Variants in UPF2 observed in about 807,000 individuals in gnomAD.
The protein encoded by UPF2 is UPF2 regulator of nonsense mediated mRNA decay.
In UPF2, 17 loss-of-function variants were observed where a neutral mutation model predicts 141.4. The observed-to-expected ratio is 0.12, with a 90% confidence interval of 0.08 to 0.18. UPF2 has a LOEUF of 0.18. UPF2 is among the 10% of genes least tolerant of loss of function. The probability of loss-of-function intolerance (pLI) is 1.00; values close to 1 mark genes in which losing one functional copy is unlikely to be tolerated. For synonymous variants in UPF2, 540 were observed against 498.0 expected (o/e 1.08, Z -1.12); for missense variants, 1,152 against 1,515.9 (o/e 0.76, Z 3.99).
At chr10:11,969,141 C>A (rs1833371068) in intron 9 of UPF2, among the ~76,000 whole-genome samples, 1 of 151,392 alleles carries the variant, frequency 6.6e-6, no homozygotes, top group African/African-American at 2.4e-5. Flanking sequence ...GGATTACAGG[C>A]ATGAGCCACC....
intron 3 of UPF2, among the ~76,000 whole-genome samples, chr10:12,028,433 G>A (rs1423971766): frequency 6.6e-6 from 1 of 152,164 alleles, no homozygotes; most frequent in Non-Finnish European, 1.5e-5. Flanking sequence ...GTAAGTTTAA[G>A]TGACAGAAAA....
At chr10:12,035,031 C>T in intron 2 of UPF2, 28 bp downstream of exon 2, 2 of 1,529,098 alleles carry the variant, frequency 1.3e-6, no homozygotes, top group East Asian at 2.3e-5. Context: ...CATTCCCTCA[C>T]ATCAATAAAT....
In UPF2 at chr10:11,936,540, C is replaced by G; in HGVS notation, c.3546+5G>C. 1 of 1,595,782 alleles carries G rather than the reference C, an allele frequency of 6.3e-7. No individual in the cohort carries two copies. Among genetic ancestry groups the G allele is most frequent in the Non-Finnish European group, 8.5e-7 (1 of 1,171,592 alleles). Reference sequence around the variant, plus strand: ...GCTATAATTACAGGGCGGGCAGTTTCTTACCTGCTGTTTATTGCCTTTTCT... The same window carrying G: ...GCTATAATTACAGGGCGGGCAGTTTGTTACCTGCTGTTTATTGCCTTTTCT... On this transcript the variant is annotated splice_donor_5th_base_variant and intron_variant, in intron 19 of 21. Transcript: ENST00000357604. This position sits in a 1 kb window ranked among gnomAD's most constrained non-coding sequence, Gnocchi z 6.6.
Position 11,940,389 on chromosome 10 carries a change from C to T in UPF2, c.3378+2276G>A, listed in dbSNP as rs998862041. Among the ~76,000 whole-genome samples the T allele has an allele frequency of 5.3e-5, 8 of 152,124 alleles. No homozygotes were observed. The highest frequency in any genetic ancestry group is 1.9e-4 in the East Asian group (1 of 5,190). ...TCTCTTCTCTGTCCACACTTTACAC[C>T]GGGGATGAATCATTTGTTCCGATGC... On this transcript the variant is annotated intron_variant, in intron 18 of 21. Coordinates refer to ENST00000357604, the MANE Select transcript of UPF2 (RefSeq NM_015542.4). The surrounding 1 kb of genome is among the most constrained non-coding windows in gnomAD (Gnocchi z 4.2).
intron 2 of UPF2, among the ~76,000 whole-genome samples, chr10:12,033,379 C>T (rs1834563189): frequency 6.6e-6 from 1 of 151,844 alleles, no homozygotes; most frequent in Admixed American, 6.6e-5. Flanking sequence ...ACAAAAAGTA[C>T]AAAAATACCC....
At chr10:11,987,488 A>C (rs1425704827) in intron 8 of UPF2, among the ~76,000 whole-genome samples, 2 of 152,052 alleles carry the variant, frequency 1.3e-5, no homozygotes, top group African/African-American at 4.8e-5. Flanking sequence ...CTGGGCACGG[A>C]GGCTCCTGCC....
chr10:11,942,980 AAC>A, intron 17 of UPF2, 82 bp downstream of exon 17: 3 of 1,028,672 alleles, frequency 2.9e-6, no homozygotes, highest in South Asian at 3.0e-5. Flanking sequence ...AATCAAAAGA[AAC>A]AAATTCAGTT....
chr10:12,024,689 T>G (rs1038915996), intron 3 of UPF2, among the ~76,000 whole-genome samples: 3 of 151,790 alleles, frequency 2.0e-5, no homozygotes, highest in Non-Finnish European at 4.4e-5. Flanking sequence ...TCCCAACACT[T>G]TGGGAGGCCA....
chr10:12,018,180 G>T (rs1277881332), intron 3 of UPF2, among the ~76,000 whole-genome samples: 1 of 152,178 alleles, frequency 6.6e-6, no homozygotes, highest in African/African-American at 2.4e-5. Flanking sequence ...AGGCACAGCG[G>T]CTAACGCCTG....
intron 2 of UPF2, among the ~76,000 whole-genome samples, chr10:12,031,540 T>G (rs1252335040): frequency 6.6e-6 from 1 of 152,218 alleles, no homozygotes; most frequent in Non-Finnish European, 1.5e-5. Flanking sequence ...ATCTCCACTT[T>G]GTGAAGCTGA....
intron 9 of UPF2, among the ~76,000 whole-genome samples, chr10:11,967,996 T>G (rs191350347): frequency 6.6e-6 from 1 of 152,136 alleles, no homozygotes; most frequent in East Asian, 1.9e-4. Flanking sequence ...CTGGCCAAGA[T>G]GGCGAAACCC....
intron 8 of UPF2, among the ~76,000 whole-genome samples, chr10:11,981,969 C>T (rs1052712004): frequency 4.6e-5 from 7 of 152,094 alleles, no homozygotes; most frequent in Admixed American, 2.6e-4. Flanking sequence ...CAGGTGTGCG[C>T]CACTGCGCCC....
intron 2 of UPF2, among the ~76,000 whole-genome samples, chr10:12,034,418 G>A (rs533916363): frequency 1.4e-4 from 21 of 152,058 alleles, no homozygotes; most frequent in Non-Finnish European, 2.2e-4. Context: ...CACCTGCTAG[G>A]TTCAAGCGAT....
chr10:11,951,963 G>C, intron 15 of UPF2, 103 bp downstream of exon 15: 1 of 1,238,392 alleles, frequency 8.1e-7, no homozygotes, highest in Non-Finnish European at 1.1e-6. Context: ...ACCGAAAATA[G>C]AAAAGATACA....
intron 21 of UPF2, among the ~76,000 whole-genome samples, chr10:11,925,685 A>C (rs992487153): frequency 1.3e-5 from 2 of 152,280 alleles, no homozygotes; most frequent in African/African-American, 4.8e-5. Context: ...TGTCAGACTC[A>C]GGAACACCAA....
chr10:12,033,798 C>T (rs1834571163), intron 2 of UPF2, among the ~76,000 whole-genome samples: 1 of 152,192 alleles, frequency 6.6e-6, no homozygotes, highest in South Asian at 2.1e-4. Flanking sequence ...ATCCTCCTGC[C>T]TCAGCCTCCC....
intron 8 of UPF2, among the ~76,000 whole-genome samples, chr10:11,989,625 C>T (rs1465009926): frequency 1.3e-5 from 2 of 152,160 alleles, no homozygotes; most frequent in African/African-American, 4.8e-5. Context: ...AAAACAAATC[C>T]CTGTGAGTAT....
intron 2 of UPF2, among the ~76,000 whole-genome samples, chr10:12,029,734 G>C (rs920597926): frequency 6.6e-6 from 1 of 152,100 alleles, no homozygotes; most frequent in African/African-American, 2.4e-5. Flanking sequence ...GGCCAAAGCA[G>C]ACAGATCACC....
chr10:12,014,194 A>G lies in UPF2; in HGVS notation c.1146-10T>C. The G allele has an allele frequency of 7.2e-7, 1 of 1,394,194 alleles. No individual in the cohort carries two copies. Among genetic ancestry groups the G allele is most frequent in the East Asian group, 2.7e-5 (1 of 36,846 alleles). 86.4% of individuals were successfully genotyped at this position (1,394,194 alleles called of 1,614,324 possible). On this transcript the variant is annotated splice_polypyrimidine_tract_variant and intron_variant, in intron 3 of 21. Transcript: ENST00000357604. This position sits in a 1 kb window ranked among gnomAD's most constrained non-coding sequence, Gnocchi z 5.0. The stretch of plus-strand genomic sequence containing the variant: ...AGAATGTAGAATGCGCCTATAAACA[A>G]ATGAAATCATCTGACAGTCTTATCA...
Sources: gnomAD v4.1 joint callset for allele counts (sites outside exome capture counted in the v4.1 genomes callset) on GRCh38, gnomAD v4.1.1 for gene constraint, Gnocchi (gnomAD v3.1) non-coding constraint, MANE v1.5 for transcripts, NCBI Gene and HGNC (gene_info 2026-07-23, HGNC 2026-07-21) for gene names.